RASSF3: variants seen among roughly 807,000 people sequenced by gnomAD.
RASSF3 encodes ras association domain-containing protein 3.
RASSF3 carries 19 observed loss-of-function variants against 19.9 expected under a neutral mutation model. The ratio of observed to expected loss-of-function variants is 0.96; its 90% CI spans 0.67 to 1.40. RASSF3 has a LOEUF of 1.40. Ranked by LOEUF, RASSF3 falls within the 40% of genes most tolerant of loss-of-function variation. The probability of loss-of-function intolerance (pLI) is 0.00; values close to 1 mark genes in which losing one functional copy is unlikely to be tolerated. For missense variants in RASSF3, 306 were observed against 289.8 expected (o/e 1.06, Z -0.41); for synonymous variants, 110 against 104.2 (o/e 1.06, Z -0.34).
At chr12:64,670,666 A>G (rs1036782101) in intron 1 of RASSF3, among the ~76,000 whole-genome samples, 7 of 151,618 alleles carry the variant, frequency 4.6e-5, no homozygotes, top group African/African-American at 1.5e-4. Context: ...AGTGCTGCAC[A>G]TGTAGTTTTC....
intron 2 of RASSF3, among the ~76,000 whole-genome samples, chr12:64,569,823 G>A (rs1203024664): frequency 6.6e-6 from 1 of 152,162 alleles, no homozygotes; most frequent in Non-Finnish European, 1.5e-5. Flanking sequence ...AAATTAGCCA[G>A]GCATGGTGGC....
chr12:64,567,992 T>C (rs1487485717), intron 2 of RASSF3, among the ~76,000 whole-genome samples: 32 of 152,204 alleles, frequency 2.1e-4, no homozygotes, highest in Admixed American at 2.0e-3. Flanking sequence ...GGCATGCATG[T>C]GTCCGTGGTG....
intron 2 of RASSF3, among the ~76,000 whole-genome samples, chr12:64,577,144 T>C (rs1229263590): frequency 6.6e-6 from 1 of 152,184 alleles, no homozygotes; most frequent in Non-Finnish European, 1.5e-5. Flanking sequence ...TTTCCAAAAA[T>C]GTATTACAGG....
At chr12:64,608,602 A>C (rs149002514), upstream of RASSF3, among the ~76,000 whole-genome samples, 17 of 152,340 alleles carry the variant, frequency 1.1e-4, no homozygotes, top group East Asian at 3.1e-3. Context: ...CCGGCCAATA[A>C]AGCATTTTAA....
intron 1 of RASSF3, among the ~76,000 whole-genome samples, chr12:64,679,088 A>G (rs775838403): frequency 7.2e-5 from 11 of 152,340 alleles, no homozygotes; most frequent in Middle Eastern, 6.8e-3. Flanking sequence ...GGGTGGGGAC[A>G]GAGTTGCTGT....
At chr12:64,587,018 C>A (rs2136138450) in intron 2 of RASSF3, among the ~76,000 whole-genome samples, 1 of 150,324 alleles carries the variant, frequency 6.7e-6, no homozygotes, top group East Asian at 1.9e-4. Context: ...TCTTTAAAAT[C>A]TATTTTCCAT....
intron 1 of RASSF3, chr12:64,515,488 T>C (rs943856563): frequency 1.3e-5 from 2 of 152,196 alleles, no homozygotes; most frequent in African/African-American, 4.8e-5. Context: ...TGAGCCTTTA[T>C]CCTGAGAATT....
chr12:64,622,829 T>C (rs993034347), intron 1 of RASSF3, among the ~76,000 whole-genome samples: 8 of 148,168 alleles, frequency 5.4e-5, no homozygotes, highest in Non-Finnish European at 8.9e-5. Context: ...TTTTCTTTCT[T>C]TTTTTTTTTG....
chr12:64,610,371 C>G (rs913971096), upstream of RASSF3: 1 of 148,924 alleles, frequency 6.7e-6, no homozygotes, highest in African/African-American at 2.4e-5. Flanking sequence ...CGCGGCCGCG[C>G]GGGGTGGGGC....
upstream of RASSF3, among the ~76,000 whole-genome samples, chr12:64,607,309 A>C (rs929586548): frequency 2.6e-5 from 4 of 151,786 alleles, no homozygotes; most frequent in Admixed American, 2.0e-4. Context: ...AAAAATATGC[A>C]AATATCATTA....
chr12:64,677,513 G>A (rs1872952032), intron 1 of RASSF3, among the ~76,000 whole-genome samples: 1 of 152,140 alleles, frequency 6.6e-6, no homozygotes, highest in East Asian at 1.9e-4. Flanking sequence ...GGGCTCAGGT[G>A]ACCCTTCCGC....
At chr12:64,541,494 G>A (rs1868933020) in intron 1 of RASSF3, 2 of 397,110 alleles carry the variant, frequency 5.0e-6, no homozygotes, top group Non-Finnish European at 4.4e-6. Context: ...TTTTGAGCAG[G>A]GGAGGGGGTT....
chr12:64,542,985 G>A (rs1005032965), downstream of RASSF3, among the ~76,000 whole-genome samples: 8 of 151,726 alleles, frequency 5.3e-5, no homozygotes, highest in Middle Eastern at 3.4e-3. Context: ...AGTTCCGGGT[G>A]GGCGTGGGCT....
At chr12:64,557,475 T>G (rs1869274275) in intron 2 of RASSF3, among the ~76,000 whole-genome samples, 1 of 152,192 alleles carries the variant, frequency 6.6e-6, no homozygotes, top group African/African-American at 2.4e-5. Context: ...CAGGAGTTCA[T>G]AGTACCCTGG....
intron 4 of RASSF3, 100 bp from the exon 5 acceptor site, chr12:64,694,663 G>C: frequency 3.0e-6 from 4 of 1,313,836 alleles, no homozygotes; most frequent in South Asian, 1.3e-5. Flanking sequence ...ATGGGGCTGG[G>C]AGGGGAGGGC....
intron 4 of RASSF3, among the ~76,000 whole-genome samples, chr12:64,692,041 C>A (rs1203539636): frequency 6.6e-6 from 1 of 152,180 alleles, no homozygotes; most frequent in African/African-American, 2.4e-5. Flanking sequence ...AGCTTTCTAG[C>A]ATCTTTTTTT....
intron 1 of RASSF3, among the ~76,000 whole-genome samples, chr12:64,674,422 A>T (rs938051528): frequency 1.6e-4 from 24 of 152,268 alleles, no homozygotes; most frequent in Non-Finnish European, 3.2e-4. Flanking sequence ...GGAGTGAAAG[A>T]TGTAAAAAAG....
chr12:64,663,409 T>C (rs928673677), intron 1 of RASSF3, among the ~76,000 whole-genome samples: 5 of 152,138 alleles, frequency 3.3e-5, no homozygotes, highest in Non-Finnish European at 7.3e-5. Context: ...AAGAATATAA[T>C]GATTTCCGAA....
At chr12:64,606,065 T>C (rs2136149044), upstream of RASSF3, among the ~76,000 whole-genome samples, 1 of 152,288 alleles carries the variant, frequency 6.6e-6, no homozygotes, top group African/African-American at 2.4e-5. Context: ...AGGTACCATA[T>C]GCAAGCATGC....
Sources: gnomAD v4.1 joint callset for allele counts (sites outside exome capture counted in the v4.1 genomes callset) on GRCh38, gnomAD v4.1.1 for gene constraint, MANE v1.5 for transcripts, NCBI Gene and HGNC (gene_info 2026-07-23, HGNC 2026-07-21) for gene names.